PARP4: variants seen among roughly 807,000 people sequenced by gnomAD.
PARP4 encodes the protein protein mono-ADP-ribosyltransferase PARP4.
A neutral mutation model predicts 187.7 loss-of-function variants in PARP4; 120 were observed. The ratio of observed to expected loss-of-function variants is 0.64; its 90% CI spans 0.55 to 0.74. PARP4 has a LOEUF of 0.74. Among genes scored for constraint, PARP4 ranks in the 30% least tolerant of loss-of-function variants. The pLI, the probability that PARP4 is intolerant of heterozygous loss-of-function variation, is 0.00. For missense variants in PARP4, 1,836 were observed against 2,070.5 expected (o/e 0.89, Z 2.20); for synonymous variants, 654 against 740.9 (o/e 0.88, Z 1.90).
At chr13:24,497,986 G>A (rs1312307183) in intron 6 of PARP4, 130 bp downstream of exon 6, 2 of 595,734 alleles carry the variant, frequency 3.4e-6, no homozygotes, top group Non-Finnish European at 3.0e-6. Flanking sequence ...CTAGCCTGTT[G>A]CATTTATTAA....
At chr13:24,465,126 A>C (rs1020279186) in intron 17 of PARP4, among the ~76,000 whole-genome samples, 1 of 152,202 alleles carries the variant, frequency 6.6e-6, no homozygotes, top group Non-Finnish European at 1.5e-5. Flanking sequence ...ATAGTTAAAA[A>C]ATCAAGAAAC....
chr13:24,437,764 A>G (rs7339140), intron 30 of PARP4, among the ~76,000 whole-genome samples: 59,132 of 150,304 alleles, frequency 0.39, 11,896 homozygotes, highest in African/African-American at 0.46. Flanking sequence ...GCTGGAGGCC[A>G]GGAGTTCAAA....
chr13:24,459,392 G>A lies in PARP4; in HGVS notation c.2299-82C>T, dbSNP rs572320428. Reference sequence around the variant, plus strand: ...ACTAAAGTGAATGTAATCTTGGCAAGGCCACAACTGTCAGCAAGACAGCTG... The same window carrying A: ...ACTAAAGTGAATGTAATCTTGGCAAAGCCACAACTGTCAGCAAGACAGCTG... On this transcript the variant is annotated intron_variant, in intron 18 of 33. Transcript: ENST00000381989. 2.3e-6 allele frequency: 3 copies of A among 1,277,228 alleles called. No homozygotes were observed. The South Asian group carries it at 4.4e-5, about 19-fold the overall frequency. The allele number at this position is 1,277,228 out of a possible 1,614,324, so 79.1% of individuals were successfully genotyped here.
At chr13:24,483,528 G>T (rs1482426441) in intron 12 of PARP4, among the ~76,000 whole-genome samples, 1 of 152,046 alleles carries the variant, frequency 6.6e-6, no homozygotes, top group African/African-American at 2.4e-5. Flanking sequence ...TAGAGATGGG[G>T]TCTTGTTGTG....
intron 19 of PARP4, 36 bp from the exon 20 acceptor site, chr13:24,459,158 G>C: frequency 6.3e-7 from 1 of 1,575,588 alleles, no homozygotes; most frequent in Non-Finnish European, 8.7e-7. Context: ...CTTAGTCTAC[G>C]ATCTTAAATT....
intron 27 of PARP4, among the ~76,000 whole-genome samples, chr13:24,445,116 C>T (rs1201878528): frequency 6.6e-6 from 1 of 152,136 alleles, no homozygotes; most frequent in Non-Finnish European, 1.5e-5. Context: ...TATGAAACTT[C>T]ACTCATCTGG....
At chr13:24,457,781 A>G (rs1283027199) in intron 20 of PARP4, among the ~76,000 whole-genome samples, 1 of 53,856 alleles carries the variant, frequency 1.9e-5, no homozygotes, top group Non-Finnish European at 5.0e-5. Flanking sequence ...AAAAAAAAAA[A>G]AAAAAAAAAA....
At chr13:24,508,436 A>C (rs1032464147) in intron 1 of PARP4, among the ~76,000 whole-genome samples, 5 of 152,326 alleles carry the variant, frequency 3.3e-5, no homozygotes, top group African/African-American at 1.2e-4. Context: ...AAAAAGAACA[A>C]AACAAAAAAA....
In PARP4 at chr13:24,452,454, A is replaced by T; in HGVS notation, c.2966T>A (p.Leu989His). The T allele has an allele frequency of 6.2e-7, 1 of 1,614,080 alleles. No homozygotes were observed. The highest frequency in any genetic ancestry group is 8.5e-7 in the Non-Finnish European group (1 of 1,180,006). Residue 989 changes from leucine to histidine, a missense_variant, in exon 24 of 34, where the codon CTC becomes CAC. By Grantham distance (99) the Leu-to-His change is moderately conservative (BLOSUM62 -3). Transcript: ENST00000381989. ...HLQDESLTLQ[L>H]VKRSRPHTRL... ...GGTGTGCGGGCGGCTCCTCTTCACG[A>T]GCTGTAATGTCAGGCTCTCATCCTG...
chr13:24,489,574 A>T (rs1868510631), intron 10 of PARP4, among the ~76,000 whole-genome samples: 1 of 152,212 alleles, frequency 6.6e-6, no homozygotes, highest in African/African-American at 2.4e-5. Flanking sequence ...GCGTCACTGC[A>T]CTCCAGCCTG....
intron 1 of PARP4, among the ~76,000 whole-genome samples, chr13:24,507,747 A>C (rs1869790251): frequency 6.6e-6 from 1 of 152,214 alleles, no homozygotes; most frequent in South Asian, 2.1e-4. Context: ...CAAATTGCTT[A>C]TCATGGTTCA....
At chr13:24,464,849 G>A (rs1394892843) in intron 17 of PARP4, among the ~76,000 whole-genome samples, 3 of 151,894 alleles carry the variant, frequency 2.0e-5, no homozygotes, top group East Asian at 1.9e-4. Context: ...TCAGCAGAGC[G>A]ACCAGACAAC....
At chr13:24,490,044 CAA>C (rs759382944) in intron 10 of PARP4, among the ~76,000 whole-genome samples, 12 of 152,172 alleles carry the variant, frequency 7.9e-5, no homozygotes, top group Non-Finnish European at 1.6e-4. Flanking sequence ...ACCACCAGGT[CAA>C]AAGAGTCAGT....
At chr13:24,501,220 AT>A (rs1313314304) in intron 3 of PARP4, among the ~76,000 whole-genome samples, 2 of 152,216 alleles carry the variant, frequency 1.3e-5, no homozygotes, top group African/African-American at 4.8e-5. Flanking sequence ...CCAAAATAAA[AT>A]CTTGGCTTAT....
chr13:24,455,027 C>T lies in PARP4; in HGVS notation c.2748G>A (p.Gln916=). ...VGEKQKVNII[Q]FGTGYKELFS... is the part of the protein sequence containing the mutation. ...CCAAAGCGCACTCACCTGTGCCGAA[C>T]TGGATAATATTTACTTTCTGCTTCT... The change falls in exon 22 of 34, where the codon CAG becomes CAA. Residue 916 remains glutamine, a synonymous_variant. Transcript: ENST00000381989. 1 of 1,601,624 alleles carries T rather than the reference C, an allele frequency of 6.2e-7. No homozygotes were observed. Among genetic ancestry groups the T allele is most frequent in the Non-Finnish European group, 8.5e-7 (1 of 1,170,360 alleles).
intron 32 of PARP4, among the ~76,000 whole-genome samples, chr13:24,428,308 A>G (rs1870164450): frequency 6.6e-6 from 1 of 151,362 alleles, no homozygotes; most frequent in Non-Finnish European, 1.5e-5. Flanking sequence ...TTTCTTGTCC[A>G]GTCTGAACAC....
chr13:24,475,861 A>G (rs1356333516), intron 14 of PARP4, among the ~76,000 whole-genome samples: 1 of 151,812 alleles, frequency 6.6e-6, no homozygotes, highest in Non-Finnish European at 1.5e-5. Flanking sequence ...CTCTGCTCAC[A>G]GTAGACCCCT....
intron 17 of PARP4, among the ~76,000 whole-genome samples, chr13:24,464,749 T>C (rs1262513625): frequency 6.6e-6 from 1 of 152,108 alleles, no homozygotes; most frequent in Non-Finnish European, 1.5e-5. Flanking sequence ...AAAGATTTTA[T>C]GAGGAAAACA....
chr13:24,505,191 G>C (rs1034210756), intron 1 of PARP4, among the ~76,000 whole-genome samples: 1 of 152,106 alleles, frequency 6.6e-6, no homozygotes, highest in Non-Finnish European at 1.5e-5. Flanking sequence ...CAGAGCTAGA[G>C]AGCGCGAGCT....
Sources: allele counts gnomAD v4.1 joint callset (sites outside exome capture counted in the v4.1 genomes callset), GRCh38; gene constraint gnomAD v4.1.1; transcripts MANE v1.5; gene names NCBI Gene and HGNC (gene_info 2026-07-23, HGNC 2026-07-21).